Variants in TMEM117 observed in about 807,000 individuals in gnomAD.
TMEM117 encodes the protein transmembrane protein 117.
A neutral mutation model predicts 52.4 loss-of-function variants in TMEM117; 27 were observed. That is an observed-to-expected ratio of 0.51 (90% CI 0.38 to 0.71). The LOEUF (loss-of-function observed/expected upper bound fraction) is 0.71. Ranked by LOEUF, TMEM117 falls within the 30% of genes least tolerant of loss-of-function variation. The pLI, the probability that TMEM117 is intolerant of heterozygous loss-of-function variation, is 0.00. For synonymous variants in TMEM117, 215 were observed against 206.3 expected, an observed-to-expected ratio of 1.04 and a Z score of -0.36; for missense variants, 556 against 630.5, an observed-to-expected ratio of 0.88 and a Z score of 1.26.
rs557039098 is a variant in TMEM117 at position 44,060,375 on chromosome 12, T to C, written c.411-83150T>C. ...GAATTTGTCTAGTCTTTGAAGGAAC[T>C]TAGAATTTAAGTTACAGTTGCGGGA... is the stretch of plus-strand genomic sequence containing the variant. On this transcript the variant is annotated intron_variant, in intron 3 of 7. Transcript: ENST00000266534. Among the ~76,000 whole-genome samples the C allele has an allele frequency of 2.6e-4, 39 of 152,274 alleles. No individual in the cohort carries two copies. In the South Asian group the frequency reaches 7.9e-3, roughly 31 times the overall value.
intron 5 of TMEM117, among the ~76,000 whole-genome samples, chr12:44,221,765 C>T (rs1179253804): frequency 1.3e-5 from 2 of 151,656 alleles, no homozygotes; most frequent in Non-Finnish European, 2.9e-5. Flanking sequence ...GTGGCATGAT[C>T]GCGGCTCACT....
intron 6 of TMEM117, among the ~76,000 whole-genome samples, chr12:44,318,778 G>T (rs1305216005): frequency 6.6e-6 from 1 of 151,938 alleles, no homozygotes; most frequent in Non-Finnish European, 1.5e-5. Flanking sequence ...GAGCAGAGAG[G>T]TCTCTGCTGC....
intron 6 of TMEM117, among the ~76,000 whole-genome samples, chr12:44,314,463 T>C (rs1311092847): frequency 6.6e-6 from 1 of 152,182 alleles, no homozygotes; most frequent in Non-Finnish European, 1.5e-5. Flanking sequence ...TGTGGTGACT[T>C]AACTTTTTGA....
intron 3 of TMEM117, among the ~76,000 whole-genome samples, chr12:44,044,505 A>C (rs186710009): frequency 6.6e-6 from 1 of 152,278 alleles, no homozygotes; most frequent in Admixed American, 6.5e-5. Context: ...GAAGTGGTAT[A>C]TACGTGATAG....
intron 3 of TMEM117, among the ~76,000 whole-genome samples, chr12:44,065,123 G>A (rs1394944601): frequency 6.6e-6 from 1 of 152,098 alleles, no homozygotes; most frequent in Non-Finnish European, 1.5e-5. Flanking sequence ...GGTGGCTCAC[G>A]CCTGTAATCC....
chr12:44,056,493 G>A (rs1947057234), intron 3 of TMEM117, among the ~76,000 whole-genome samples: 1 of 152,078 alleles, frequency 6.6e-6, no homozygotes, highest in South Asian at 2.1e-4. Context: ...TTAATTATAT[G>A]TACTTGAACA....
chr12:44,139,864 A>G (rs981607488), intron 3 of TMEM117, among the ~76,000 whole-genome samples: 9 of 152,164 alleles, frequency 5.9e-5, no homozygotes, highest in African/African-American at 1.7e-4. Flanking sequence ...AATTGCTGAT[A>G]TAAATATATG....
the TMEM117 span, among the ~76,000 whole-genome samples, chr12:43,801,023 A>T: frequency 6.6e-6 from 1 of 152,190 alleles, no homozygotes; most frequent in African/African-American, 2.4e-5. Context: ...AAGTTTAGGG[A>T]TTACAGGCAT....
In TMEM117 at chr12:44,029,986, ATGAGTC is replaced by A. The variant is rs1946608377; in HGVS notation, c.410+85645_410+85650del. Among the ~76,000 whole-genome samples the A allele has an allele frequency of 2.6e-5, 4 of 151,782 alleles. No individual in the cohort carries two copies. The South Asian group carries it at 6.2e-4, about 24-fold the overall frequency. On this transcript the variant is annotated intron_variant, in intron 3 of 7. Transcript: ENST00000266534. Reference sequence around the variant, plus strand: ...TTAGGGTTCAATTCCTGGTTTAGAGATGAGTCCTTTATCTTCTGTCAGTATGTATAT... The same window carrying A: ...TTAGGGTTCAATTCCTGGTTTAGAGACTTTATCTTCTGTCAGTATGTATAT...
intron 4 of TMEM117, among the ~76,000 whole-genome samples, chr12:44,154,875 G>A (rs1948805981): frequency 6.6e-6 from 1 of 151,250 alleles, no homozygotes; most frequent in Non-Finnish European, 1.5e-5. Flanking sequence ...AGTCTCTATC[G>A]TAATGCCATT....
At chr12:44,204,212 G>A (rs1949534442) in intron 4 of TMEM117, among the ~76,000 whole-genome samples, 1 of 152,066 alleles carries the variant, frequency 6.6e-6, no homozygotes, top group African/African-American at 2.4e-5. Context: ...AACAATTTCT[G>A]TAAAGTTTCA....
chr12:43,869,885 TA>T (rs1207399194), intron 2 of TMEM117, among the ~76,000 whole-genome samples: 1 of 152,182 alleles, frequency 6.6e-6, no homozygotes, highest in Non-Finnish European at 1.5e-5. Context: ...CAGCATCCAT[TA>T]ACTTTTATTC....
intron 5 of TMEM117, among the ~76,000 whole-genome samples, chr12:44,281,595 T>C (rs557633490): frequency 2.6e-5 from 4 of 152,370 alleles, no homozygotes; most frequent in African/African-American, 7.2e-5. Context: ...TCCTGTTCAC[T>C]GCCATTTGAC....
intron 5 of TMEM117, chr12:44,248,979 G>A (rs559318309): frequency 6.6e-6 from 1 of 152,094 alleles, no homozygotes; most frequent in Admixed American, 6.5e-5. Context: ...TGTGTGTGTG[G>A]GTTTATTCAT....
At chr12:44,188,273 T>C (rs1394896960) in intron 4 of TMEM117, among the ~76,000 whole-genome samples, 1 of 152,204 alleles carries the variant, frequency 6.6e-6, no homozygotes. Flanking sequence ...GATTTCAGCT[T>C]TGCCTTTCTG....
At chr12:44,299,512 TA>T in intron 5 of TMEM117, 67 bp from the exon 6 acceptor site, 1 of 1,558,850 alleles carries the variant, frequency 6.4e-7, no homozygotes, top group Non-Finnish European at 8.8e-7. Context: ...ACAACACAGA[TA>T]ACATGCACTC....
intron 5 of TMEM117, among the ~76,000 whole-genome samples, chr12:44,254,815 C>G (rs138164571): frequency 4.1e-4 from 62 of 152,150 alleles, no homozygotes; most frequent in African/African-American, 1.2e-3. Context: ...CCTCTCCCCC[C>G]ACCCCACAAC....
At chr12:43,894,259 G>A (rs1353819855) in intron 2 of TMEM117, among the ~76,000 whole-genome samples, 1 of 152,134 alleles carries the variant, frequency 6.6e-6, no homozygotes, top group Non-Finnish European at 1.5e-5. Context: ...CAAGGTGTTG[G>A]TTGGTATTAA....
intron 4 of TMEM117, among the ~76,000 whole-genome samples, chr12:44,168,850 A>G (rs907740990): frequency 1.3e-5 from 2 of 152,184 alleles, no homozygotes; most frequent in Non-Finnish European, 1.5e-5. Flanking sequence ...TTTCATAACA[A>G]TAATTCCTCT....
Sources: gnomAD v4.1 joint callset for allele counts (sites outside exome capture counted in the v4.1 genomes callset) on GRCh38, gnomAD v4.1.1 for gene constraint, MANE v1.5 for transcripts, NCBI Gene and HGNC (gene_info 2026-07-23, HGNC 2026-07-21) for gene names.